Variants in NME7 observed in about 807,000 individuals in gnomAD.
The protein encoded by NME7 is nucleoside diphosphate kinase 7.
A neutral mutation model predicts 49.1 loss-of-function variants in NME7; 41 were observed. The observed-to-expected ratio is 0.83, with a 90% CI of 0.65 to 1.08. The LOEUF (loss-of-function observed/expected upper bound fraction) is 1.08. NME7 is among the 50% of genes least tolerant of loss of function. The pLI, the probability that NME7 is intolerant of heterozygous loss-of-function variation, is 0.00. For missense variants in NME7, 423 were observed against 463.4 expected, an observed-to-expected ratio of 0.91 and a Z score of 0.80; for synonymous variants, 139 against 150.6, an observed-to-expected ratio of 0.92 and a Z score of 0.56.
At chr1:169,252,381 G>C in intron 7 of NME7, among the ~76,000 whole-genome samples, 1 of 152,054 alleles carries the variant, frequency 6.6e-6, no homozygotes, top group Non-Finnish European at 1.5e-5. Flanking sequence ...GTCTGTTCAT[G>C]TCCTTCACCC....
At chr1:169,248,529 G>C (rs980402982) in intron 7 of NME7, among the ~76,000 whole-genome samples, 3 of 151,680 alleles carry the variant, frequency 2.0e-5, no homozygotes, top group African/African-American at 4.8e-5. Flanking sequence ...TTGCTTTTGG[G>C]GTCCTACTCA....
chr1:169,150,613 GA>G (rs1175071156), intron 11 of NME7, among the ~76,000 whole-genome samples: 1 of 151,996 alleles, frequency 6.6e-6, no homozygotes, highest in Non-Finnish European at 1.5e-5. Flanking sequence ...TGGTTGTCTA[GA>G]AAAAACATGT....
chr1:169,214,526 A>T (rs1208033346), intron 10 of NME7, among the ~76,000 whole-genome samples: 1 of 152,252 alleles, frequency 6.6e-6, no homozygotes, highest in African/African-American at 2.4e-5. Context: ...TGACTAGAAG[A>T]CACTAAACAT....
chr1:169,324,339 G>A (rs1651969951), intron 2 of NME7, 54 bp downstream of exon 2: 1 of 1,096,338 alleles, frequency 9.1e-7, no homozygotes, highest in Non-Finnish European at 1.4e-6. Flanking sequence ...AAAAGGCAAT[G>A]GTTCCCATGT....
At chr1:169,334,108 T>C (rs928430646) in intron 1 of NME7, among the ~76,000 whole-genome samples, 2 of 152,208 alleles carry the variant, frequency 1.3e-5, no homozygotes, top group Non-Finnish European at 2.9e-5. Flanking sequence ...TATCTTAAAC[T>C]AACTAGAAGT....
intron 5 of NME7, chr1:169,302,180 T>C (rs1650967460): frequency 6.6e-6 from 1 of 152,170 alleles, no homozygotes; most frequent in Non-Finnish European, 1.5e-5. Flanking sequence ...CCTCAACCAC[T>C]GTAGAAAATA....
At chr1:169,320,982 A>C (rs1282269742) in intron 3 of NME7, among the ~76,000 whole-genome samples, 1 of 152,206 alleles carries the variant, frequency 6.6e-6, no homozygotes, top group Non-Finnish European at 1.5e-5. Context: ...TACTGTGGAC[A>C]AGTTACTTAC....
At chr1:169,280,307 G>GT (rs1649953143) in intron 7 of NME7, among the ~76,000 whole-genome samples, 1 of 152,040 alleles carries the variant, frequency 6.6e-6, no homozygotes, top group Non-Finnish European at 1.5e-5. Flanking sequence ...GGGGTTGTTT[G>GT]TTTTTTTCTT....
At chr1:169,322,063 T>C (rs982689951) in intron 3 of NME7, among the ~76,000 whole-genome samples, 6 of 152,200 alleles carry the variant, frequency 3.9e-5, no homozygotes, top group African/African-American at 1.4e-4. Flanking sequence ...TTGAAATTCA[T>C]AAATGTAGAG....
chr1:169,301,629 T>G (rs1387293017), intron 5 of NME7, among the ~76,000 whole-genome samples: 1 of 152,132 alleles, frequency 6.6e-6, no homozygotes, highest in African/African-American at 2.4e-5. Flanking sequence ...ATACACTCAT[T>G]GCTGTGCTAT....
intron 4 of NME7, among the ~76,000 whole-genome samples, chr1:169,307,863 T>C (rs947454983): frequency 4.0e-4 from 60 of 151,880 alleles, no homozygotes; most frequent in African/African-American, 1.4e-3. Flanking sequence ...CTACTAAAAA[T>C]ACAAAAATTA....
intron 11 of NME7, among the ~76,000 whole-genome samples, chr1:169,150,188 T>C (rs1658873385): frequency 6.6e-6 from 1 of 152,122 alleles, no homozygotes; most frequent in Non-Finnish European, 1.5e-5. Flanking sequence ...ACAATATGTA[T>C]ATATATTGTC....
At chr1:169,234,831 T>C (rs904259797) in intron 9 of NME7, among the ~76,000 whole-genome samples, 3 of 152,142 alleles carry the variant, frequency 2.0e-5, no homozygotes, top group African/African-American at 7.2e-5. Context: ...TGGAAATAAC[T>C]GACTGGTTAA....
chr1:169,159,806 G>C (rs1659190577), intron 11 of NME7, among the ~76,000 whole-genome samples: 2 of 152,102 alleles, frequency 1.3e-5, no homozygotes, highest in Non-Finnish European at 2.9e-5. Flanking sequence ...CTGACTTTTT[G>C]AGGCTTATGC....
At chr1:169,154,179 A>G (rs926424020) in intron 11 of NME7, among the ~76,000 whole-genome samples, 7 of 150,724 alleles carry the variant, frequency 4.6e-5, no homozygotes, top group Non-Finnish European at 1.0e-4. Flanking sequence ...ACACCTGGCT[A>G]ATTTTTGTAT....
At chr1:169,251,551 T>TC (rs1490238810) in intron 7 of NME7, among the ~76,000 whole-genome samples, 3 of 131,032 alleles carry the variant, frequency 2.3e-5, no homozygotes, top group Non-Finnish European at 3.4e-5. Context: ...TGGTTTCTTT[T>TC]TTTTTTTTTC....
At chr1:169,340,009 T>TTCCTGTTGTCACTAA (rs71121763) in intron 1 of NME7, among the ~76,000 whole-genome samples, 41,282 of 152,136 alleles carry the variant, frequency 0.27, 7,558 homozygotes, top group East Asian at 0.9. Flanking sequence ...TAGTAAAGGC[T>TTCCTGTTGTCACTAA]CCCTGACTTC....
chr1:169,341,223 C>G (rs1361810730), intron 1 of NME7, among the ~76,000 whole-genome samples: 1 of 152,142 alleles, frequency 6.6e-6, no homozygotes, highest in Non-Finnish European at 1.5e-5. Flanking sequence ...CTCAGTCACT[C>G]CAGCTCAAGC....
chr1:169,195,423 A>T (rs915192206), intron 10 of NME7, among the ~76,000 whole-genome samples: 1 of 151,968 alleles, frequency 6.6e-6, no homozygotes, highest in Non-Finnish European at 1.5e-5. Context: ...TATTTTTCCC[A>T]GCTGGTTTTG....
Sources: gnomAD v4.1 joint callset for allele counts (sites outside exome capture counted in the v4.1 genomes callset) on GRCh38, gnomAD v4.1.1 for gene constraint, MANE v1.5 for transcripts, NCBI Gene and HGNC (gene_info 2026-07-23, HGNC 2026-07-21) for gene names.